PDZRN4: variants seen among roughly 807,000 people sequenced by gnomAD.
The protein encoded by PDZRN4 is PDZ domain containing ring finger 4.
Under a neutral mutation model 99.0 loss-of-function variants are expected in PDZRN4, and 70 were observed. That is an observed-to-expected ratio of 0.71 (90% CI 0.58 to 0.86). The LOEUF is 0.86. Ranked by LOEUF, PDZRN4 falls within the 40% of genes least tolerant of loss-of-function variation. PDZRN4 has a pLI of 0.00. For synonymous variants in PDZRN4, 551 were observed against 501.6 expected (o/e 1.10, Z -1.32); for missense variants, 1,474 against 1,331.2 (o/e 1.11, Z -1.67).
chr12:41,540,961 G>C (rs368660569), intron 5 of PDZRN4, among the ~76,000 whole-genome samples: 2 of 151,862 alleles, frequency 1.3e-5, no homozygotes, highest in African/African-American at 4.8e-5. Flanking sequence ...GTCTCACTCT[G>C]TCACCCAGCC....
intron 3 of PDZRN4, among the ~76,000 whole-genome samples, chr12:41,447,199 CTT>C (rs1167519784): frequency 2.0e-5 from 3 of 152,110 alleles, no homozygotes; most frequent in Admixed American, 6.6e-5. Context: ...GCCACGCTAA[CTT>C]GACCTACAAT....
intron 3 of PDZRN4, among the ~76,000 whole-genome samples, chr12:41,329,692 A>G (rs7966630): frequency 0.013 from 1,917 of 152,242 alleles, 33 homozygotes; most frequent in African/African-American, 0.039. Context: ...AGGCAAAATG[A>G]GATTCTTAAT....
chr12:41,520,462 G>A lies in PDZRN4; in HGVS notation c.1203+10549G>A, dbSNP rs538211317. 3.9e-5 allele frequency among the ~76,000 whole-genome samples: 6 copies of A among 152,154 alleles called. No homozygotes were observed. The East Asian group carries it at 9.7e-4, about 25-fold the overall frequency. Reference sequence around the variant, plus strand: ...CTAGCAAAGCTAAAGCATAAATCTCGAAAAGGATTTAGAACTGAGACTCTT... The same window carrying A: ...CTAGCAAAGCTAAAGCATAAATCTCAAAAAGGATTTAGAACTGAGACTCTT... On this transcript the variant is annotated intron_variant, in intron 5 of 9. Coordinates refer to ENST00000402685, the MANE Select transcript of PDZRN4 (RefSeq NM_001164595.2).
chr12:41,273,140 A>G (rs1410962007), intron 3 of PDZRN4, among the ~76,000 whole-genome samples: 1 of 152,052 alleles, frequency 6.6e-6, no homozygotes, highest in Non-Finnish European at 1.5e-5. Flanking sequence ...CATTTGGATC[A>G]ATTTTATTCA....
chr12:41,280,700 GC>G (rs1360332932), intron 3 of PDZRN4, among the ~76,000 whole-genome samples: 15 of 150,198 alleles, frequency 1.0e-4, no homozygotes, highest in Middle Eastern at 3.4e-3. Context: ...TGAAAGAAAG[GC>G]AGCAGCCCCA....
chr12:41,370,249 T>C (rs1404933632), intron 3 of PDZRN4, among the ~76,000 whole-genome samples: 1 of 151,962 alleles, frequency 6.6e-6, no homozygotes, highest in African/African-American at 2.4e-5. Context: ...CTAAATATCA[T>C]CAATTCTTTT....
At chr12:41,306,561 C>T (rs1951570941) in intron 3 of PDZRN4, among the ~76,000 whole-genome samples, 1 of 152,136 alleles carries the variant, frequency 6.6e-6, no homozygotes, top group South Asian at 2.1e-4. Flanking sequence ...TCTTTGTATC[C>T]AACGGTCAGT....
chr12:41,193,748 C>T lies in PDZRN4; in HGVS notation c.736-333C>T, dbSNP rs187064704. Among the ~76,000 whole-genome samples the T allele has an allele frequency of 1.5e-3, 230 of 152,296 alleles. 1 individual carries two copies. Among genetic ancestry groups the T allele is most frequent in the Non-Finnish European group, 2.4e-3 (161 of 68,000 alleles). On this transcript the variant is annotated intron_variant, in intron 2 of 9. Transcript: ENST00000402685. ...TTTAACCTTATCACCCTTTTACTTG[C>T]TGTCTCTCTTTAGAAGTGAGATGTT...
intron 3 of PDZRN4, among the ~76,000 whole-genome samples, chr12:41,493,277 G>C (rs1356075802): frequency 6.6e-6 from 1 of 152,136 alleles, no homozygotes; most frequent in Admixed American, 6.6e-5. Flanking sequence ...GAACAATGGA[G>C]AGCTTTTACT....
chr12:41,329,490 A>G (rs2120989887), intron 3 of PDZRN4, among the ~76,000 whole-genome samples: 1 of 152,182 alleles, frequency 6.6e-6, no homozygotes, highest in Non-Finnish European at 1.5e-5. Flanking sequence ...CTGCTTAGTT[A>G]ATTCAGCCAT....
chr12:41,231,030 G>T (rs538353460), intron 3 of PDZRN4, among the ~76,000 whole-genome samples: 12 of 152,106 alleles, frequency 7.9e-5, no homozygotes, highest in Non-Finnish European at 1.2e-4. Context: ...GGAGTGTGTA[G>T]GTGTGTGTGT....
chr12:41,218,760 C>T (rs1183032732), intron 3 of PDZRN4, among the ~76,000 whole-genome samples: 1 of 152,106 alleles, frequency 6.6e-6, no homozygotes, highest in Non-Finnish European at 1.5e-5. Flanking sequence ...CTATCCATTG[C>T]TCCTTGCACA....
chr12:41,419,966 A>G, intron 3 of PDZRN4, among the ~76,000 whole-genome samples: 1 of 152,170 alleles, frequency 6.6e-6, no homozygotes, highest in Non-Finnish European at 1.5e-5. Flanking sequence ...GGCAGTTTCC[A>G]TGTCCTTGAA....
chr12:41,311,496 G>C (rs1178300821), intron 3 of PDZRN4, among the ~76,000 whole-genome samples: 3 of 152,146 alleles, frequency 2.0e-5, no homozygotes, highest in African/African-American at 7.2e-5. Context: ...TGATTTTGCT[G>C]TGTATCCTGG....
At chr12:41,475,277 G>C (rs565109333) in intron 3 of PDZRN4, among the ~76,000 whole-genome samples, 1 of 152,046 alleles carries the variant, frequency 6.6e-6, no homozygotes, top group Non-Finnish European at 1.5e-5. Context: ...ATGAGGACCA[G>C]GTATCATATT....
chr12:41,429,067 T>C (rs894119470), intron 3 of PDZRN4, among the ~76,000 whole-genome samples: 2 of 152,218 alleles, frequency 1.3e-5, no homozygotes, highest in African/African-American at 4.8e-5. Context: ...GAATTTAATA[T>C]GTTTTTAATA....
In PDZRN4 at chr12:41,191,519, A is replaced by G. The variant is rs375386315; in HGVS notation, c.710A>G (p.Asn237Ser). Residue 237 changes from asparagine to serine, a missense_variant, in exon 2 of 10, where the codon AAT becomes AGT. Asn to Ser is a conservative substitution (Grantham distance 46, BLOSUM62 1). Coordinates refer to ENST00000402685, the MANE Select transcript of PDZRN4 (RefSeq NM_001164595.2). ...LERENDTLGF[N>S]IIGGRPNQNN... ...AGAGAAAATGACACTTTGGGATTCA[A>G]TATTATAGGAGGTCGACCAAATCAG... 145 of 1,560,214 alleles carry G rather than the reference A, an allele frequency of 9.3e-5. 2 individuals are homozygous for G. In the South Asian group the frequency reaches 1.1e-3, roughly 11 times the overall value.
chr12:41,214,794 A>G (rs1388457431), intron 3 of PDZRN4, among the ~76,000 whole-genome samples: 1 of 152,080 alleles, frequency 6.6e-6, no homozygotes, highest in African/African-American at 2.4e-5. Flanking sequence ...CAAAATAGTT[A>G]TAACAGGTAA....
chr12:41,327,928 G>A (rs891064361), intron 3 of PDZRN4, among the ~76,000 whole-genome samples: 2 of 152,000 alleles, frequency 1.3e-5, no homozygotes, highest in African/African-American at 4.8e-5. Context: ...ATTTGTTTTA[G>A]TCTTACTGAA....
Sources: allele counts gnomAD v4.1 joint callset (sites outside exome capture counted in the v4.1 genomes callset), GRCh38; gene constraint gnomAD v4.1.1; transcripts MANE v1.5; gene names NCBI Gene and HGNC (gene_info 2026-07-23, HGNC 2026-07-21).